The following ANKRD36 variants were observed in gnomAD, a reference collection of about 807,000 sequenced individuals.
ANKRD36 encodes the protein ankyrin repeat domain-containing protein 36A.
In ANKRD36, 179 loss-of-function variants were observed where a neutral mutation model predicts 278.1. The observed-to-expected ratio is 0.64, with a 90% CI of 0.57 to 0.73. The LOEUF is 0.73. Ranked by LOEUF, ANKRD36 falls within the 30% of genes least tolerant of loss-of-function variation. The pLI is 0.00. For missense variants in ANKRD36, 1,159 were observed against 1,956.7 expected (o/e 0.59, Z 7.69); for synonymous variants, 320 against 641.1 (o/e 0.50, Z 7.57).
intron 6 of ANKRD36, 41 bp from the exon 7 acceptor site, chr2:97,142,599 T>C: frequency 1.9e-6 from 3 of 1,605,636 alleles, no homozygotes; most frequent in African/African-American, 1.3e-5. Context: ...AATTTTATCA[T>C]ATTTACATAT....
Position 97,227,820 on chromosome 2 carries a change from A to G in ANKRD36, c.3951+2941A>G, listed in dbSNP as rs536494599. On this transcript the variant is annotated intron_variant, in intron 67 of 75. Coordinates refer to ENST00000420699, the MANE Select transcript of ANKRD36 (RefSeq NM_001354587.1). Reference sequence around the variant, plus strand: ...TTTGAAATACGTCCCATCAATACCTAATTTATTGAGAGTTTTTAGCATGAA... The same window carrying G: ...TTTGAAATACGTCCCATCAATACCTGATTTATTGAGAGTTTTTAGCATGAA... Among the ~76,000 whole-genome samples the G allele has an allele frequency of 3.8e-3, 579 of 152,164 alleles. 3 individuals carry two copies. The highest frequency in any genetic ancestry group is 5.7e-3 in the Non-Finnish European group (391 of 68,026).
At chr2:97,194,290 A>G (rs1393855294) in intron 38 of ANKRD36, among the ~76,000 whole-genome samples, 2 of 151,612 alleles carry the variant, frequency 1.3e-5, no homozygotes, top group East Asian at 3.9e-4. Context: ...TTATTGGGCA[A>G]GTTAAAGAGC....
chr2:97,197,352 TA>T (rs547681320), intron 42 of ANKRD36, among the ~76,000 whole-genome samples: 379 of 151,944 alleles, frequency 2.5e-3, no homozygotes, highest in African/African-American at 8.7e-3. Flanking sequence ...AATATTTTAA[TA>T]AAAAATACTT....
intron 6 of ANKRD36, among the ~76,000 whole-genome samples, chr2:97,138,208 C>G (rs934754228): frequency 6.6e-6 from 1 of 152,076 alleles, no homozygotes; most frequent in Non-Finnish European, 1.5e-5. Flanking sequence ...ATTGTCTCAG[C>G]CCCAAATCTC....
intron 24 of ANKRD36, 85 bp from the exon 25 acceptor site, chr2:97,181,513 C>T: frequency 6.4e-7 from 1 of 1,570,290 alleles, no homozygotes; most frequent in South Asian, 1.2e-5. Flanking sequence ...CAGGAAGATA[C>T]AGCTTGATGC....
chr2:97,165,465 G>A (rs1160501665), intron 20 of ANKRD36, among the ~76,000 whole-genome samples: 1 of 152,098 alleles, frequency 6.6e-6, no homozygotes. Flanking sequence ...GTACTATAAA[G>A]AAATTAAATA....
At chr2:97,261,135 AC>A (rs2076710411) in intron 75 of ANKRD36, among the ~76,000 whole-genome samples, 1 of 121,386 alleles carries the variant, frequency 8.2e-6, no homozygotes, top group Non-Finnish European at 1.6e-5. Context: ...TCCTTTAAGA[AC>A]TTTTTTTTTT....
rs141841093 is a variant in ANKRD36, at chr2:97,124,550, G to A, written c.684G>A (p.Ala228=). The A allele has an allele frequency of 2.9e-3, 4,493 of 1,553,120 alleles. 12 individuals carry two copies. The highest frequency in any genetic ancestry group is 3.4e-3 in the Non-Finnish European group (3,951 of 1,147,446). ...ATATTGATGTGCTTTCTCGAGATGC[G>A]TTTCGAAAGATTGCAGGAGATTATG... ...QHNIDVLSRD[A]FRKIAGDYAI... The change falls in exon 5 of 76, where the codon GCG becomes GCA. Residue 228 remains alanine (A), a synonymous_variant. Coordinates refer to ENST00000420699, the MANE Select transcript of ANKRD36 (RefSeq NM_001354587.1).
chr2:97,179,010 T>G (rs2055296066), intron 22 of ANKRD36, among the ~76,000 whole-genome samples: 1 of 151,612 alleles, frequency 6.6e-6, no homozygotes, highest in South Asian at 2.1e-4. Context: ...GAAACTTTAT[T>G]TTGTATAAGT....
At chr2:97,195,959 G>A (rs1228647330) in intron 40 of ANKRD36, among the ~76,000 whole-genome samples, 2 of 151,956 alleles carry the variant, frequency 1.3e-5, no homozygotes, top group African/African-American at 2.4e-5. Context: ...GAAACATTTG[G>A]AAGGCTAAAC....
chr2:97,146,538 A>G (rs1230912398), intron 11 of ANKRD36, 22 bp downstream of exon 11: 8 of 1,505,626 alleles, frequency 5.3e-6, no homozygotes, highest in Middle Eastern at 2.4e-4. Context: ...CAGATTTTTT[A>G]AAGTGATATG....
At chr2:97,140,747 A>T (rs1335301010) in intron 6 of ANKRD36, among the ~76,000 whole-genome samples, 3 of 152,062 alleles carry the variant, frequency 2.0e-5, no homozygotes, top group Non-Finnish European at 4.4e-5. Context: ...CGAATGTCAC[A>T]TACAGTAGTG....
At chr2:97,243,174 G>T (rs1318680024) in intron 69 of ANKRD36, among the ~76,000 whole-genome samples, 2 of 143,444 alleles carry the variant, frequency 1.4e-5, no homozygotes, top group Non-Finnish European at 3.1e-5. Flanking sequence ...TGTGCCCGAG[G>T]TGGTCGGGGT....
chr2:97,124,709 C>T, intron 5 of ANKRD36, 112 bp downstream of exon 5: 1 of 1,280,124 alleles, frequency 7.8e-7, no homozygotes, highest in East Asian at 2.8e-5. Context: ...AAGTAGTTTT[C>T]AAGTGACAAA....
chr2:97,260,347 G>T (rs1365055793), intron 75 of ANKRD36, among the ~76,000 whole-genome samples: 7 of 117,646 alleles, frequency 6.0e-5, no homozygotes, highest in Admixed American at 2.0e-4. Flanking sequence ...TATTTTAAAA[G>T]ATATATATAT....
chr2:97,191,037 A>T, intron 35 of ANKRD36, 31 bp downstream of exon 35: 1 of 1,604,106 alleles, frequency 6.2e-7, no homozygotes, highest in Non-Finnish European at 8.5e-7. Context: ...ATTGTGAACT[A>T]GTAAATCTAT....
chr2:97,191,250 A>AC, intron 36 of ANKRD36, 69 bp downstream of exon 36: 4 of 1,458,982 alleles, frequency 2.7e-6, no homozygotes, highest in Non-Finnish European at 3.7e-6. Context: ...TTCCTGAATG[A>AC]ATTGGCCTGG....
intron 6 of ANKRD36, among the ~76,000 whole-genome samples, chr2:97,137,607 A>C (rs556957980): frequency 6.6e-6 from 1 of 151,406 alleles, no homozygotes; most frequent in South Asian, 2.1e-4. Flanking sequence ...ACACACACAC[A>C]CCGAGTATAT....
intron 6 of ANKRD36, among the ~76,000 whole-genome samples, chr2:97,129,907 T>C (rs1302838705): frequency 6.6e-6 from 1 of 152,114 alleles, no homozygotes; most frequent in Non-Finnish European, 1.5e-5. Context: ...GGTAGCGTGA[T>C]GCCTCCAGCT....
Sources: allele counts gnomAD v4.1 joint callset (sites outside exome capture counted in the v4.1 genomes callset), GRCh38; gene constraint gnomAD v4.1.1; transcripts MANE v1.5; gene names NCBI Gene and HGNC (gene_info 2026-07-23, HGNC 2026-07-21).